EED: variants seen among roughly 807,000 people sequenced by gnomAD.
EED encodes embryonic ectoderm development, also known as polycomb protein EED.
In EED, 9 loss-of-function variants were observed where a neutral mutation model predicts 61.0. The observed-to-expected ratio is 0.15, with a 90% CI of 0.09 to 0.26. The LOEUF (loss-of-function observed/expected upper bound fraction) is 0.26. Ranked by LOEUF, EED falls within the 10% of genes least tolerant of loss-of-function variation. The pLI, the probability that EED is intolerant of heterozygous loss-of-function variation, is 1.00. For synonymous variants in EED, 187 were observed against 174.4 expected (o/e 1.07, Z -0.57); for missense variants, 315 against 542.3 (o/e 0.58, Z 4.16).
chr11:86,274,690 G>A (rs1946189358), intron 9 of EED, among the ~76,000 whole-genome samples: 1 of 152,142 alleles, frequency 6.6e-6, no homozygotes, highest in Admixed American at 6.6e-5. Flanking sequence ...CCTAATTACT[G>A]CCCCCCCTAG....
At chr11:86,277,265 T>G in intron 10 of EED, 127 bp downstream of exon 10, 1 of 896,722 alleles carries the variant, frequency 1.1e-6, no homozygotes, top group Non-Finnish European at 1.6e-6. Flanking sequence ...TATTGATTAC[T>G]TTGCCCTTTG....
At chr11:86,254,900 C>T (rs1209334454) in intron 3 of EED, among the ~76,000 whole-genome samples, 5 of 152,200 alleles carry the variant, frequency 3.3e-5, no homozygotes, top group Non-Finnish European at 5.9e-5. Flanking sequence ...GGATTACAGG[C>T]GTGAGCCACC....
intron 9 of EED, among the ~76,000 whole-genome samples, chr11:86,271,769 A>C (rs1371479293): frequency 6.6e-6 from 1 of 151,996 alleles, no homozygotes; most frequent in Non-Finnish European, 1.5e-5. Context: ...GTTGCCTATT[A>C]ATATAGTAGA....
At chr11:86,285,036 G>A in the EED span, among the ~76,000 whole-genome samples, 320 of 152,228 alleles carry the variant, frequency 2.1e-3, 1 homozygote, top group African/African-American at 7.5e-3. Context: ...ACTTGAGCCC[G>A]TGAGGCAGAG....
chr11:86,258,337 A>G (rs1175842072), intron 6 of EED, among the ~76,000 whole-genome samples: 1 of 152,176 alleles, frequency 6.6e-6, no homozygotes, highest in Non-Finnish European at 1.5e-5. Context: ...GAATTTCTTA[A>G]AAATGCTACG....
rs1250649508 is a variant in EED at position 86,245,242 on chromosome 11, G to A, written c.13G>A (p.Glu5Lys). The A allele has an allele frequency of 5.0e-6, 8 of 1,613,262 alleles. No homozygotes were observed. Among genetic ancestry groups the A allele is most frequent in the Middle Eastern group, 1.6e-4 (1 of 6,078 alleles). The change falls in exon 1 of 12, where the codon GAA becomes AAA. Residue 5 changes from glutamate (E) to lysine (K), a missense_variant. Glu to Lys is a moderately conservative substitution (Grantham distance 56, BLOSUM62 1). This residue lies in a region of EED where 110 missense variants were observed against 86.9 expected (regional missense o/e 1.27). Transcript: ENST00000263360. Reference protein sequence around the residue: MSEREVSTAPAGTDM... With the variant: MSERKVSTAPAGTDM... ...GAGGCGGAGGAATATGTCCGAGAGG[G>A]AAGTGTCGACTGCGCCGGCGGGAAC... is the stretch of plus-strand genomic sequence containing the variant.
intron 9 of EED, among the ~76,000 whole-genome samples, chr11:86,275,363 G>A (rs1216704111): frequency 1.3e-5 from 2 of 152,208 alleles, no homozygotes; most frequent in African/African-American, 4.8e-5. Context: ...TTAGGTGGTA[G>A]GCTGAACTGA....
intron 6 of EED, among the ~76,000 whole-genome samples, chr11:86,261,586 C>T (rs1945830449): frequency 1.3e-5 from 2 of 152,228 alleles, no homozygotes. Context: ...CTGTGTGGCT[C>T]TGCCCTTCTG....
chr11:86,273,547 G>GT (rs1415666520), intron 9 of EED, among the ~76,000 whole-genome samples: 1 of 152,042 alleles, frequency 6.6e-6, no homozygotes, highest in African/African-American at 2.4e-5. Flanking sequence ...TTTTCTTTCT[G>GT]TTTCGAAAAC....
intron 6 of EED, among the ~76,000 whole-genome samples, chr11:86,258,125 G>A (rs994683709): frequency 6.6e-6 from 1 of 151,824 alleles, no homozygotes; most frequent in Non-Finnish European, 1.5e-5. Context: ...AGGCCCCAGT[G>A]TATGGACAGA....
rs763617900 is a variant in EED, at chr11:86,245,145, G to A, written c.-85G>A. On this transcript the variant is annotated 5_prime_UTR_variant, in exon 1 of 12. Transcript: ENST00000263360. ...GTGGCGGCGGCAGCGGCAACTTTGC[G>A]GCAAGCTCGGGCCGGGCTTGCTTGA... 2.6e-6 allele frequency: 3 copies of A among 1,141,982 alleles called. No homozygotes were observed. Among genetic ancestry groups the A allele is most frequent in the Non-Finnish European group, 3.7e-6 (3 of 803,364 alleles). 70.7% of individuals were successfully genotyped at this position (1,141,982 alleles called of 1,614,324 possible). A position where few individuals can be genotyped will look rare whatever the true frequency, so the allele number is the denominator to read the frequency against.
At chr11:86,253,636 A>G (rs574701161) in intron 3 of EED, among the ~76,000 whole-genome samples, 8 of 152,242 alleles carry the variant, frequency 5.3e-5, no homozygotes, top group Non-Finnish European at 1.0e-4. Context: ...TTTTTTGAAC[A>G]TTAACATAGA....
chr11:86,277,284 C>A, intron 10 of EED, 146 bp downstream of exon 10: 2 of 676,526 alleles, frequency 3.0e-6, no homozygotes, highest in Non-Finnish European at 4.5e-6. Context: ...TGATGTCATT[C>A]ATCAAATACT....
At chr11:86,281,100 C>T (rs940936673), downstream of EED, among the ~76,000 whole-genome samples, 3 of 152,254 alleles carry the variant, frequency 2.0e-5, no homozygotes, top group Admixed American at 6.5e-5. Flanking sequence ...TTTGTATTTA[C>T]GTTCATCAGG....
At chr11:86,279,906 C>T (rs572511139), downstream of EED, among the ~76,000 whole-genome samples, 16 of 152,220 alleles carry the variant, frequency 1.1e-4, no homozygotes, top group East Asian at 1.2e-3. Flanking sequence ...TAAATTCTTA[C>T]GTACAGCATC....
chr11:86,279,340 T>C (rs979631461), downstream of EED, among the ~76,000 whole-genome samples: 4 of 152,208 alleles, frequency 2.6e-5, no homozygotes, highest in Admixed American at 6.5e-5. Flanking sequence ...ATGAAAGAGA[T>C]GGCAAGTATG....
chr11:86,256,533 T>C, intron 5 of EED, 21 bp downstream of exon 5: 1 of 1,538,532 alleles, frequency 6.5e-7, no homozygotes, highest in Non-Finnish European at 8.8e-7. Context: ...CTGGTTAAAT[T>C]GTAGATCTGC....
chr11:86,262,987 C>T (rs1945873231), intron 6 of EED, among the ~76,000 whole-genome samples: 1 of 151,966 alleles, frequency 6.6e-6, no homozygotes, highest in Non-Finnish European at 1.5e-5. Context: ...AATTTATTTT[C>T]TGTAGGGATT....
intron 9 of EED, among the ~76,000 whole-genome samples, chr11:86,272,975 T>C (rs1472049886): frequency 6.6e-6 from 1 of 152,248 alleles, no homozygotes; most frequent in Admixed American, 6.5e-5. Context: ...AATTCCATTT[T>C]TATTTCTCTA....
Sources: allele counts gnomAD v4.1 joint callset (sites outside exome capture counted in the v4.1 genomes callset), GRCh38; gene constraint gnomAD v4.1.1; regional missense constraint gnomAD v4.1.1; transcripts MANE v1.5; gene names NCBI Gene and HGNC (gene_info 2026-07-23, HGNC 2026-07-21).